Variants in DOCK2 observed in about 807,000 individuals in gnomAD.
DOCK2 encodes dedicator of cytokinesis 2.
DOCK2 carries 87 observed loss-of-function variants against 248.9 expected under a neutral mutation model. The observed-to-expected ratio is 0.35, with a 90% CI of 0.29 to 0.42. DOCK2 has a LOEUF of 0.42. DOCK2 is among the 10% of genes least tolerant of loss of function. The pLI is 1.00. For synonymous variants in DOCK2, 805 were observed against 821.6 expected, an observed-to-expected ratio of 0.98 and a Z score of 0.35; for missense variants, 1,747 against 2,300.2, an observed-to-expected ratio of 0.76 and a Z score of 4.92.
chr5:169,964,807 G>A (rs1777235378), intron 27 of DOCK2, among the ~76,000 whole-genome samples: 2 of 152,172 alleles, frequency 1.3e-5, no homozygotes, highest in Admixed American at 6.5e-5. Flanking sequence ...GTATAATAAT[G>A]GCATCTACTT....
intron 30 of DOCK2, among the ~76,000 whole-genome samples, chr5:170,006,644 T>C (rs1321222707): frequency 6.6e-6 from 1 of 152,184 alleles, no homozygotes; most frequent in East Asian, 1.9e-4. Flanking sequence ...CAGTTTGTTT[T>C]TTTGGGCCCT....
chr5:169,995,249 G>A (rs993088471), intron 29 of DOCK2, among the ~76,000 whole-genome samples: 3 of 152,024 alleles, frequency 2.0e-5, no homozygotes, highest in Non-Finnish European at 2.9e-5. Flanking sequence ...GGCTGGTCTT[G>A]AACTCCAGAC....
chr5:169,805,512 G>A (rs542117806), intron 26 of DOCK2, among the ~76,000 whole-genome samples: 4 of 152,312 alleles, frequency 2.6e-5, no homozygotes, highest in Admixed American at 2.0e-4. Context: ...GTGGGTCCTT[G>A]GGAATATGCC....
At chr5:169,678,620 A>G (rs1240037834) in intron 6 of DOCK2, among the ~76,000 whole-genome samples, 1 of 152,098 alleles carries the variant, frequency 6.6e-6, no homozygotes, top group African/African-American at 2.4e-5. Flanking sequence ...ACTTTCTACT[A>G]TTTGGCCATC....
At chr5:169,658,980 C>CATTATT (rs200506411) in intron 2 of DOCK2, among the ~76,000 whole-genome samples, 5,350 of 136,168 alleles carry the variant, frequency 0.039, 128 homozygotes, top group Admixed American at 0.056. Flanking sequence ...TACAAGACTG[C>CATTATT]ATTATTATTA....
At chr5:170,044,150 A>G (rs961055501) in intron 38 of DOCK2, among the ~76,000 whole-genome samples, 5 of 152,170 alleles carry the variant, frequency 3.3e-5, no homozygotes, top group Middle Eastern at 3.2e-3. Context: ...CCAGGCACAC[A>G]TGCTGGCTTT....
At chr5:169,965,335 G>C (rs1299847687) in intron 27 of DOCK2, among the ~76,000 whole-genome samples, 1 of 152,206 alleles carries the variant, frequency 6.6e-6, no homozygotes, top group Non-Finnish European at 1.5e-5. Context: ...TGCTAATGCT[G>C]CTGGTCCACA....
intron 23 of DOCK2, among the ~76,000 whole-genome samples, chr5:169,753,059 A>C (rs1189846133): frequency 7.3e-6 from 1 of 136,470 alleles, no homozygotes; most frequent in African/African-American, 3.3e-5. Context: ...GCAAGACTCT[A>C]TCTAAAAATA....
intron 29 of DOCK2, among the ~76,000 whole-genome samples, chr5:169,987,057 G>C (rs1778085381): frequency 6.6e-6 from 1 of 152,344 alleles, no homozygotes; most frequent in South Asian, 2.1e-4. Context: ...CTTCAGGCAT[G>C]GATGTATCTA....
At chr5:170,023,174 G>A (rs1301961315) in intron 33 of DOCK2, among the ~76,000 whole-genome samples, 1 of 152,096 alleles carries the variant, frequency 6.6e-6, no homozygotes, top group African/African-American at 2.4e-5. Flanking sequence ...GGGGATCTGA[G>A]CCCTCAGCAG....
intron 25 of DOCK2, among the ~76,000 whole-genome samples, chr5:169,792,203 AT>A (rs1419007419): frequency 2.0e-5 from 3 of 152,172 alleles, no homozygotes; most frequent in Non-Finnish European, 2.9e-5. Flanking sequence ...TTATAAATCC[AT>A]GTGAATTCAG....
At chr5:169,918,255 G>C (rs116081350) in intron 27 of DOCK2, among the ~76,000 whole-genome samples, 2 of 152,236 alleles carry the variant, frequency 1.3e-5, no homozygotes, top group Non-Finnish European at 1.5e-5. Flanking sequence ...TTATATTTGC[G>C]ATACTGGTAT....
intron 6 of DOCK2, among the ~76,000 whole-genome samples, chr5:169,681,332 C>T (rs1306817156): frequency 6.6e-6 from 1 of 151,692 alleles, no homozygotes; most frequent in Non-Finnish European, 1.5e-5. Flanking sequence ...CCATCTTGGC[C>T]AGGCTAGTCT....
intron 27 of DOCK2, among the ~76,000 whole-genome samples, chr5:169,911,990 C>A (rs920934664): frequency 6.6e-6 from 1 of 152,116 alleles, no homozygotes; most frequent in Non-Finnish European, 1.5e-5. Context: ...AGAATGATTG[C>A]ATAAGCCAAG....
At chr5:169,684,055 A>G in intron 7 of DOCK2, 141 bp from the exon 8 acceptor site, 2 of 936,426 alleles carry the variant, frequency 2.1e-6, no homozygotes, top group Non-Finnish European at 1.6e-6. Context: ...GATTCAGGTT[A>G]CAGAAGCTTT....
intron 25 of DOCK2, among the ~76,000 whole-genome samples, chr5:169,794,148 G>A (rs1766511768): frequency 6.6e-6 from 1 of 152,092 alleles, no homozygotes; most frequent in Non-Finnish European, 1.5e-5. Flanking sequence ...ACCACCGAAA[G>A]CGCAGTCCAC....
At chr5:170,004,797 C>T (rs1490308319) in intron 30 of DOCK2, among the ~76,000 whole-genome samples, 2 of 148,744 alleles carry the variant, frequency 1.3e-5, no homozygotes, top group Non-Finnish European at 3.0e-5. Flanking sequence ...AACCATCATT[C>T]TCAGTAAACT....
Position 169,914,380 on chromosome 5 carries a change from C to T in DOCK2, c.2800-68688C>T, listed in dbSNP as rs1344391475. On this transcript the variant is annotated intron_variant, in intron 27 of 51. Transcript: ENST00000520908. ...CCTTCATTCAGAAAAGAATACAATA[C>T]TAAGTGCCTACTCTGAGCCAGGAAC... 2.6e-5 allele frequency among the ~76,000 whole-genome samples: 4 copies of T among 152,166 alleles called. No homozygotes were observed. The East Asian group carries it at 5.8e-4, about 22-fold the overall frequency.
chr5:169,926,488 A>T (rs1775464975), intron 27 of DOCK2, among the ~76,000 whole-genome samples: 1 of 152,200 alleles, frequency 6.6e-6, no homozygotes, highest in African/African-American at 2.4e-5. Context: ...TCAGGTGGCC[A>T]TGTTCAAAGA....
Sources: allele counts gnomAD v4.1 joint callset (sites outside exome capture counted in the v4.1 genomes callset), GRCh38; gene constraint gnomAD v4.1.1; transcripts MANE v1.5; gene names NCBI Gene and HGNC (gene_info 2026-07-23, HGNC 2026-07-21).